The following NAV3 variants were observed in gnomAD, a reference collection of about 807,000 sequenced individuals.
NAV3 encodes the protein pore membrane and/or filament interacting like protein 1.
A neutral mutation model predicts 244.7 loss-of-function variants in NAV3; 87 were observed. The observed-to-expected ratio is 0.36, with a 90% CI of 0.30 to 0.42. The LOEUF (loss-of-function observed/expected upper bound fraction) is 0.42. NAV3 is among the 20% of genes least tolerant of loss of function. The pLI, the probability that NAV3 is intolerant of heterozygous loss-of-function variation, is 1.00. For missense variants in NAV3, 2,663 were observed against 2,893.3 expected, an observed-to-expected ratio of 0.92 and a Z score of 1.83; for synonymous variants, 1,126 against 1,042.2, an observed-to-expected ratio of 1.08 and a Z score of -1.55.
At chr12:78,117,335 AT>A (rs1431051365) in intron 13 of NAV3, among the ~76,000 whole-genome samples, 4 of 144,382 alleles carry the variant, frequency 2.8e-5, no homozygotes, top group African/African-American at 1.0e-4. Flanking sequence ...ATTTATATAT[AT>A]TAAATATATA....
chr12:77,770,767 A>G (rs937233341), intron 2 of NAV3, among the ~76,000 whole-genome samples: 4 of 152,214 alleles, frequency 2.6e-5, no homozygotes, highest in African/African-American at 7.2e-5. Context: ...TTAATTCAAG[A>G]TGGATTAAAG....
chr12:78,157,522 C>T (rs553936139), intron 22 of NAV3, among the ~76,000 whole-genome samples: 1 of 151,956 alleles, frequency 6.6e-6, no homozygotes, highest in Non-Finnish European at 1.5e-5. Context: ...GGTTGTGGCA[C>T]TGCACTCCAG....
chr12:78,153,118 A>T (rs1015215794), intron 22 of NAV3, among the ~76,000 whole-genome samples: 4 of 151,970 alleles, frequency 2.6e-5, no homozygotes, highest in Non-Finnish European at 5.9e-5. Flanking sequence ...ACTTGGCATA[A>T]TTACATTTAT....
At position 77,621,493 on chromosome 12, in the gene NAV3, T is replaced by G. The variant is rs535509459; in HGVS notation, c.72+49227T>G. Among the ~76,000 whole-genome samples, 16 of 149,998 alleles carry G rather than the reference T, an allele frequency of 1.1e-4. No homozygotes were observed. In the East Asian group the frequency reaches 2.7e-3, roughly 25 times the overall value. On this transcript the variant is annotated intron_variant, in intron 2 of 8. Coordinates refer to the NAV3 transcript ENST00000550042. ...TTCTCTTCTCTTTTTTTTTTTTTTTTGCTTTGAGATGGAGTCTCACTCTGT... is the reference window on the plus strand; with the variant it reads ...TTCTCTTCTCTTTTTTTTTTTTTTTGGCTTTGAGATGGAGTCTCACTCTGT...
chr12:78,102,537 C>T (rs766094915), intron 12 of NAV3, among the ~76,000 whole-genome samples: 1 of 152,194 alleles, frequency 6.6e-6, no homozygotes, highest in Non-Finnish European at 1.5e-5. Flanking sequence ...GATGATGGCC[C>T]TCTTCTCATA....
chr12:78,124,661 C>T (rs1342272305), intron 16 of NAV3, among the ~76,000 whole-genome samples: 1 of 152,038 alleles, frequency 6.6e-6, no homozygotes, highest in Non-Finnish European at 1.5e-5. Context: ...ACCATGTTGG[C>T]CAGGCTGGTC....
At chr12:77,814,514 A>C (rs12810670) in intron 2 of NAV3, among the ~76,000 whole-genome samples, 42,653 of 152,022 alleles carry the variant, frequency 0.28, 6,958 homozygotes, top group East Asian at 0.43. Context: ...TTCAAAGGGA[A>C]TGGCTGGGTT....
intron 1 of NAV3, among the ~76,000 whole-genome samples, chr12:77,871,109 T>A (rs554671932): frequency 1.3e-5 from 2 of 152,292 alleles, no homozygotes; most frequent in Non-Finnish European, 1.5e-5. Context: ...AGGGAACATG[T>A]CTGTGCTTAA....
At chr12:77,748,470 C>G (rs1281757701) in intron 2 of NAV3, among the ~76,000 whole-genome samples, 1 of 152,054 alleles carries the variant, frequency 6.6e-6, no homozygotes, top group Non-Finnish European at 1.5e-5. Context: ...TGAATGCTGG[C>G]AAGACATGAA....
chr12:77,880,619 C>A (rs1882508295), intron 1 of NAV3, among the ~76,000 whole-genome samples: 1 of 152,122 alleles, frequency 6.6e-6, no homozygotes, highest in Non-Finnish European at 1.5e-5. Flanking sequence ...AGTGATATTT[C>A]CATCAAAGAT....
intron 1 of NAV3, among the ~76,000 whole-genome samples, chr12:77,915,547 CA>C (rs1235590071): frequency 2.0e-5 from 3 of 151,564 alleles, no homozygotes; most frequent in Admixed American, 6.6e-5. Context: ...ATCTTCTAGC[CA>C]GAATCAAGTA....
chr12:77,924,266 T>C (rs1887981112), intron 1 of NAV3, among the ~76,000 whole-genome samples: 1 of 152,102 alleles, frequency 6.6e-6, no homozygotes, highest in Admixed American at 6.6e-5. Flanking sequence ...AAGAATAGGT[T>C]AGAGTATATT....
At chr12:78,083,133 G>A (rs1274451349) in intron 12 of NAV3, among the ~76,000 whole-genome samples, 1 of 152,198 alleles carries the variant, frequency 6.6e-6, no homozygotes, top group Non-Finnish European at 1.5e-5. Context: ...TTGCTAGTGG[G>A]GATGCTCTGT....
intron 2 of NAV3, among the ~76,000 whole-genome samples, chr12:77,721,359 T>C (rs567155643): frequency 6.6e-6 from 1 of 152,194 alleles, no homozygotes; most frequent in African/African-American, 2.4e-5. Context: ...TACTTTTTCC[T>C]AAGTATAATG....
rs1159984258 is a variant in NAV3, at chr12:78,176,338, C to T, written c.5104-101C>T. On this transcript the variant is annotated intron_variant, in intron 25 of 39. Transcript: ENST00000397909. ...TTTCTACAAATAATGAAAGAAATATCTTTTTATCTTAAAAAATGTTTATAC... is the reference window on the plus strand; with the variant it reads ...TTTCTACAAATAATGAAAGAAATATTTTTTTATCTTAAAAAATGTTTATAC... 4 of 1,144,994 alleles carry T rather than the reference C, an allele frequency of 3.5e-6. No individual in the cohort carries two copies. In the South Asian group the frequency reaches 4.7e-5, roughly 14 times the overall value. 70.9% of individuals were successfully genotyped at this position (1,144,994 alleles called of 1,614,324 possible).
At chr12:77,592,575 T>G (rs938316456) in intron 2 of NAV3, among the ~76,000 whole-genome samples, 2 of 152,326 alleles carry the variant, frequency 1.3e-5, no homozygotes, top group Admixed American at 6.5e-5. Context: ...AGGGGTGATT[T>G]ATTTTTTAGC....
intron 22 of NAV3, among the ~76,000 whole-genome samples, chr12:78,153,800 TA>T (rs1668010190): frequency 6.6e-6 from 1 of 152,002 alleles, no homozygotes; most frequent in Non-Finnish European, 1.5e-5. Context: ...GCTTATTTAA[TA>T]TTTTCATAAA....
chr12:77,852,544 T>G (rs569420088), intron 1 of NAV3, among the ~76,000 whole-genome samples: 2 of 149,228 alleles, frequency 1.3e-5, no homozygotes, highest in African/African-American at 4.9e-5. Context: ...CTCTCATAAA[T>G]AAATAAATAA....
chr12:77,829,670 G>A (rs1324280850), upstream of NAV3, among the ~76,000 whole-genome samples: 4 of 152,010 alleles, frequency 2.6e-5, no homozygotes, highest in Non-Finnish European at 5.9e-5. Flanking sequence ...GTATTACCCC[G>A]CTGTGTAAAG....
Sources: gnomAD v4.1 joint callset for allele counts (sites outside exome capture counted in the v4.1 genomes callset) on GRCh38, gnomAD v4.1.1 for gene constraint, MANE v1.5 for transcripts, NCBI Gene and HGNC (gene_info 2026-07-23, HGNC 2026-07-21) for gene names.